PRKN: variants seen among roughly 807,000 people sequenced by gnomAD.
The protein encoded by PRKN is parkin RBR E3 ubiquitin protein ligase, also known as E3 ubiquitin-protein ligase parkin.
PRKN carries 56 observed loss-of-function variants against 59.5 expected under a neutral mutation model. The ratio of observed to expected loss-of-function variants is 0.94; its 90% confidence interval spans 0.76 to 1.18. The LOEUF (loss-of-function observed/expected upper bound fraction) is 1.18, where lower values mean the gene tolerates loss of function less well. Among genes scored for constraint, PRKN ranks in the 50% most tolerant of loss-of-function variants. PRKN has a pLI of 0.00. For missense variants in PRKN, 657 were observed against 596.4 expected (o/e 1.10, Z -1.06); for synonymous variants, 250 against 222.1 (o/e 1.13, Z -1.12).
intron 1 of PRKN, among the ~76,000 whole-genome samples, chr6:162,529,273 C>T (rs1344764911): frequency 3.9e-5 from 6 of 152,280 alleles, no homozygotes; most frequent in African/African-American, 1.2e-4. Flanking sequence ...AAAAATACTT[C>T]ATTCAATAGT....
intron 2 of PRKN, among the ~76,000 whole-genome samples, chr6:162,440,391 T>TC (rs1400574355): frequency 1.3e-5 from 2 of 152,106 alleles, no homozygotes; most frequent in Non-Finnish European, 2.9e-5. Context: ...AAGCTATAGT[T>TC]CCCCAAAGTA....
At chr6:161,962,917 G>A (rs1790003) in intron 6 of PRKN, among the ~76,000 whole-genome samples, 1 of 151,768 alleles carries the variant, frequency 6.6e-6, no homozygotes, top group Non-Finnish European at 1.5e-5. Context: ...GGCTGAGGCC[G>A]GTGGATCACC....
At chr6:161,798,874 C>A (rs1231137779) in intron 6 of PRKN, among the ~76,000 whole-genome samples, 1 of 152,134 alleles carries the variant, frequency 6.6e-6, no homozygotes, top group Non-Finnish European at 1.5e-5. Flanking sequence ...TCAGCCTGGG[C>A]CTCCCTGGGT....
At chr6:161,689,773 C>T (rs925314645) in intron 7 of PRKN, among the ~76,000 whole-genome samples, 3 of 152,022 alleles carry the variant, frequency 2.0e-5, no homozygotes, top group Non-Finnish European at 2.9e-5. Context: ...TACAGTGGCG[C>T]GATCTTGGCT....
intron 6 of PRKN, among the ~76,000 whole-genome samples, chr6:161,802,341 G>T (rs148114070): frequency 1.3e-5 from 2 of 151,494 alleles, no homozygotes; most frequent in African/African-American, 4.9e-5. Context: ...TCTCCCACTC[G>T]CTGTGATCCA....
intron 5 of PRKN, among the ~76,000 whole-genome samples, chr6:161,990,054 C>A (rs1267303501): frequency 6.6e-6 from 1 of 152,148 alleles, no homozygotes; most frequent in African/African-American, 2.4e-5. Context: ...ATGCCACACA[C>A]CACCCAGGAG....
rs1330040494 is a variant in PRKN, at chr6:161,547,197, C to T, written c.1083+1657G>A. Among the ~76,000 whole-genome samples, 1 of 152,100 alleles carries T rather than the reference C, an allele frequency of 6.6e-6. No individual in the cohort carries two copies. Among genetic ancestry groups the T allele is most frequent in the East Asian group, 1.9e-4 (1 of 5,192 alleles). On this transcript the variant is annotated intron_variant, in intron 9 of 11. Transcript: ENST00000366898. This position sits in a 1 kb window ranked among gnomAD's most constrained non-coding sequence, Gnocchi z 4.0. ...AAACACACCTCCAAAACCAACAAAT[C>T]GAAACAAATTAAGATAAATTAAGAA...
At position 161,872,059 on chromosome 6, in the gene PRKN, C is replaced by A. The variant is rs114047169; in HGVS notation, c.735-86151G>T. ...CAGCGACTTTTGCCAGGTGTTCTTG[C>A]AGGGCTCACAGCAGACGCATTTCAG... is the stretch of plus-strand genomic sequence containing the variant. On this transcript the variant is annotated intron_variant, in intron 6 of 11. Coordinates refer to ENST00000366898, the MANE Select transcript of PRKN (RefSeq NM_004562.3). Among the ~76,000 whole-genome samples, 501 of 152,216 alleles carry A rather than the reference C, an allele frequency of 3.3e-3. 5 individuals are homozygous for A. The highest frequency in any genetic ancestry group is 0.011 in the African/African-American group (476 of 41,530).
chr6:161,971,452 C>T (rs1780802620), intron 6 of PRKN, among the ~76,000 whole-genome samples: 1 of 152,216 alleles, frequency 6.6e-6, no homozygotes, highest in Non-Finnish European at 1.5e-5. Flanking sequence ...AAATTACCTG[C>T]TGCTATCAGC....
At position 161,812,212 on chromosome 6, in the gene PRKN, C is replaced by A. The variant is rs150028647; in HGVS notation, c.735-26304G>T. Among the ~76,000 whole-genome samples, 1,161 of 152,008 alleles carry A rather than the reference C, an allele frequency of 7.6e-3. 19 individuals carry two copies. Among genetic ancestry groups the A allele is most frequent in the African/African-American group, 0.027 (1,108 of 41,474 alleles). On this transcript the variant is annotated intron_variant, in intron 6 of 11. Coordinates refer to ENST00000366898, the MANE Select transcript of PRKN (RefSeq NM_004562.3). ...GGCCAGCCTGGGCAACACAGGGAGACCCTGTCTCTAAAAGAATAAAAATAA... is the reference window on the plus strand; with the variant it reads ...GGCCAGCCTGGGCAACACAGGGAGAACCTGTCTCTAAAAGAATAAAAATAA...
chr6:161,592,144 T>C lies in PRKN; in HGVS notation c.872-22728A>G, dbSNP rs1350831460. 2.0e-5 allele frequency among the ~76,000 whole-genome samples: 3 copies of C among 152,200 alleles called. No homozygotes were observed. Among genetic ancestry groups the C allele is most frequent in the African/African-American group, 7.2e-5 (3 of 41,448 alleles). The stretch of plus-strand genomic sequence containing the variant: ...AATTTTATTTGTATTATTTTTATCG[T>C]TGTGTCATTTTTTATGTTCATTTTT... On this transcript the variant is annotated intron_variant, in intron 7 of 11. Transcript: ENST00000366898. The surrounding 1 kb of genome is among the most constrained non-coding windows in gnomAD (Gnocchi z 4.8).
At chr6:161,793,619 C>A (rs951792380) in intron 6 of PRKN, among the ~76,000 whole-genome samples, 2 of 151,418 alleles carry the variant, frequency 1.3e-5, no homozygotes, top group Non-Finnish European at 2.9e-5. Context: ...GAGTTGAAGA[C>A]AAATAATTAA....
chr6:161,570,607 T>C (rs1030414348), intron 7 of PRKN, among the ~76,000 whole-genome samples: 4 of 152,140 alleles, frequency 2.6e-5, no homozygotes, highest in Non-Finnish European at 4.4e-5. Context: ...CTCTTCCTGA[T>C]GATTTTCTTA....
Position 161,409,647 on chromosome 6 carries a change from T to C in PRKN, c.1084-22770A>G, listed in dbSNP as rs1787433877. The stretch of plus-strand genomic sequence containing the variant: ...GAAAGCAAGCCCAACCTTGGTGTGA[T>C]GTTTTGCAATAAACAGCAATCCATG... On this transcript the variant is annotated intron_variant, in intron 9 of 11. Coordinates refer to ENST00000366898, the MANE Select transcript of PRKN (RefSeq NM_004562.3). The surrounding 1 kb of genome is among the most constrained non-coding windows in gnomAD (Gnocchi z 4.6). Among the ~76,000 whole-genome samples the C allele has an allele frequency of 6.6e-6, 1 of 152,204 alleles. No homozygotes were observed. The highest frequency in any genetic ancestry group is 1.5e-5 in the Non-Finnish European group (1 of 68,048).
chr6:162,194,255 A>T (rs950174088), intron 4 of PRKN, among the ~76,000 whole-genome samples: 1 of 152,236 alleles, frequency 6.6e-6, no homozygotes, highest in Admixed American at 6.5e-5. Context: ...CTAAGAAATT[A>T]TTGACCATTT....
At chr6:162,448,808 CTTTCTT>C (rs1398787618) in intron 1 of PRKN, among the ~76,000 whole-genome samples, 1 of 151,636 alleles carries the variant, frequency 6.6e-6, no homozygotes, top group Non-Finnish European at 1.5e-5. Context: ...TTCTCTTTCT[CTTTCTT>C]TCTCTTCCTC....
chr6:162,098,596 C>T (rs1018402039), intron 4 of PRKN, among the ~76,000 whole-genome samples: 3 of 152,278 alleles, frequency 2.0e-5, no homozygotes, highest in Non-Finnish European at 2.9e-5. Context: ...ACTGTGCTTA[C>T]GTACAACCTT....
chr6:162,138,597 G>A (rs903775225), intron 4 of PRKN, among the ~76,000 whole-genome samples: 7 of 151,980 alleles, frequency 4.6e-5, no homozygotes, highest in Admixed American at 2.0e-4. Flanking sequence ...CAGAGATAAT[G>A]AAATTCATAG....
At chr6:161,628,847 C>T (rs947602129) in intron 7 of PRKN, among the ~76,000 whole-genome samples, 1 of 152,144 alleles carries the variant, frequency 6.6e-6, no homozygotes, top group Non-Finnish European at 1.5e-5. Flanking sequence ...AGGCAGGAAG[C>T]CAATGAGAGT....
Sources: allele counts gnomAD v4.1 joint callset (sites outside exome capture counted in the v4.1 genomes callset), GRCh38; gene constraint gnomAD v4.1.1; non-coding constraint Gnocchi (gnomAD v3.1); transcripts MANE v1.5; gene names NCBI Gene and HGNC (gene_info 2026-07-23, HGNC 2026-07-21).